WDR27: variants seen among roughly 807,000 people sequenced by gnomAD.
WDR27 encodes the protein WD repeat-containing protein 27.
In WDR27, 100 loss-of-function variants were observed where a neutral mutation model predicts 114.4. The observed-to-expected ratio is 0.87, with a 90% CI of 0.74 to 1.03. The LOEUF is 1.03. Ranked by LOEUF, WDR27 falls within the 50% of genes least tolerant of loss-of-function variation. The pLI is 0.00. For synonymous variants in WDR27, 449 were observed against 423.1 expected, an observed-to-expected ratio of 1.06 and a Z score of -0.75; for missense variants, 1,129 against 1,092.9, an observed-to-expected ratio of 1.03 and a Z score of -0.47.
chr6:169,470,814 G>C lies in WDR27; in HGVS notation c.2646-13180C>G, dbSNP rs75257732. ...TTCAACATAAAAATTTTGGGGTAAA[G>C]GAGCATGCAATTTGGTCCATAGCAC... On this transcript the variant is annotated intron_variant, in intron 25 of 25. Coordinates refer to ENST00000448612, the MANE Select transcript of WDR27 (RefSeq NM_182552.5). Among the ~76,000 whole-genome samples, 3 of 152,270 alleles carry C rather than the reference G, an allele frequency of 2.0e-5. No individual in the cohort carries two copies. In the East Asian group the frequency reaches 5.8e-4, roughly 29 times the overall value.
chr6:169,555,750 A>C (rs560265380), intron 25 of WDR27, among the ~76,000 whole-genome samples: 1 of 152,292 alleles, frequency 6.6e-6, no homozygotes, highest in African/African-American at 2.4e-5. Flanking sequence ...CAACCATACC[A>C]CTGGAAGAAT....
intron 25 of WDR27, among the ~76,000 whole-genome samples, chr6:169,501,412 G>C (rs1791217849): frequency 6.6e-6 from 1 of 152,230 alleles, no homozygotes; most frequent in Non-Finnish European, 1.5e-5. Context: ...GTAGCCCGCA[G>C]ATGTGCCTGC....
At chr6:169,494,822 T>C (rs1445263635) in intron 25 of WDR27, among the ~76,000 whole-genome samples, 1 of 152,178 alleles carries the variant, frequency 6.6e-6, no homozygotes, top group Non-Finnish European at 1.5e-5. Flanking sequence ...CTGTGGAATA[T>C]TTTGTCTCAA....
the WDR27 span, among the ~76,000 whole-genome samples, chr6:169,446,488 A>G: frequency 9.2e-5 from 14 of 152,234 alleles, no homozygotes; most frequent in Admixed American, 9.2e-4. Context: ...ACCATGGCAC[A>G]CACAGAAACA....
At chr6:169,550,105 G>A (rs1797906399) in intron 25 of WDR27, among the ~76,000 whole-genome samples, 1 of 141,518 alleles carries the variant, frequency 7.1e-6, no homozygotes, top group Non-Finnish European at 1.5e-5. Context: ...TGGAAGATAG[G>A]GACAGGGGGC....
Position 169,457,555 on chromosome 6 carries a change from A to T in WDR27, c.*37T>A. 3.3e-6 allele frequency: 5 copies of T among 1,533,762 alleles called. No homozygotes were observed. Among genetic ancestry groups the T allele is most frequent in the Non-Finnish European group, 4.4e-6 (5 of 1,137,610 alleles). On this transcript the variant is annotated 3_prime_UTR_variant, in exon 26 of 26. Coordinates refer to ENST00000448612, the MANE Select transcript of WDR27 (RefSeq NM_182552.5). ...TTACTTTTAAGTTGTTCCTCACAGC[A>T]TTCCTGGACCCAGCTCACAGGTCAG...
intron 23 of WDR27, among the ~76,000 whole-genome samples, chr6:169,594,070 G>A (rs1806301224): frequency 6.6e-6 from 1 of 151,924 alleles, no homozygotes. Context: ...TAGGTATTTG[G>A]TGCTATAAAT....
chr6:169,607,419 CACACATATA>C (rs747631009), intron 22 of WDR27, among the ~76,000 whole-genome samples: 134 of 39,856 alleles, frequency 3.4e-3, no homozygotes, highest in Middle Eastern at 0.029. Flanking sequence ...CACACACACA[CACACATATA>C]ATATAATATT....
chr6:169,489,193 G>A lies in WDR27; in HGVS notation c.2646-31559C>T, dbSNP rs144982496. 1.1e-4 allele frequency among the ~76,000 whole-genome samples: 17 copies of A among 152,246 alleles called. No individual in the cohort carries two copies. In the East Asian group the frequency reaches 1.2e-3, roughly 10 times the overall value. The stretch of plus-strand genomic sequence containing the variant: ...GAGAACCCAGGTGCTCCAACTTCCC[G>A]CTGAGCACCTCCTGTGCATGGCACC... On this transcript the variant is annotated intron_variant, in intron 25 of 25. Coordinates refer to ENST00000448612, the MANE Select transcript of WDR27 (RefSeq NM_182552.5).
At chr6:169,466,648 G>A (rs943243950) in intron 25 of WDR27, among the ~76,000 whole-genome samples, 5 of 152,028 alleles carry the variant, frequency 3.3e-5, no homozygotes, top group African/African-American at 1.2e-4. Context: ...ACAGCATGGG[G>A]GCAACCACCC....
At chr6:169,546,985 A>AT (rs1797535933) in intron 25 of WDR27, among the ~76,000 whole-genome samples, 1 of 152,220 alleles carries the variant, frequency 6.6e-6, no homozygotes, top group African/African-American at 2.4e-5. Context: ...ATGAGAAATG[A>AT]AAGAGGGGAC....
At chr6:169,489,486 C>T (rs934551191) in intron 25 of WDR27, among the ~76,000 whole-genome samples, 1 of 152,250 alleles carries the variant, frequency 6.6e-6, no homozygotes, top group African/African-American at 2.4e-5. Flanking sequence ...GGTCACACTT[C>T]TGCACTGGGC....
At chr6:169,591,356 T>G (rs919779417) in intron 23 of WDR27, among the ~76,000 whole-genome samples, 2 of 152,182 alleles carry the variant, frequency 1.3e-5, no homozygotes, top group Non-Finnish European at 2.9e-5. Context: ...AGTCAATTAC[T>G]CCATCTGAGA....
At chr6:169,442,272 T>G in the WDR27 span, among the ~76,000 whole-genome samples, 1 of 152,302 alleles carries the variant, frequency 6.6e-6, no homozygotes, top group South Asian at 2.1e-4. Flanking sequence ...TTTATTGCCC[T>G]CACAATATGC....
At chr6:169,552,366 G>C (rs1256163403) in intron 25 of WDR27, among the ~76,000 whole-genome samples, 3 of 152,156 alleles carry the variant, frequency 2.0e-5, no homozygotes, top group African/African-American at 4.8e-5. Flanking sequence ...TGAAACGCCA[G>C]CTCCACGAGG....
At chr6:169,637,243 T>G (rs560580257) in intron 18 of WDR27, among the ~76,000 whole-genome samples, 1 of 152,250 alleles carries the variant, frequency 6.6e-6, no homozygotes, top group East Asian at 1.9e-4. Flanking sequence ...AAGTCACTCC[T>G]CTCCCTAAAA....
intron 16 of WDR27, among the ~76,000 whole-genome samples, chr6:169,645,036 T>TAAAAA (rs369797685): frequency 1.9e-3 from 145 of 76,908 alleles, no homozygotes; most frequent in Non-Finnish European, 2.8e-3. Context: ...AAAAAAAAAA[T>TAAAAA]AAAAAAAAAA....
At chr6:169,448,392 A>ATGTGTGTGTG in the WDR27 span, among the ~76,000 whole-genome samples, 251 of 132,044 alleles carry the variant, frequency 1.9e-3, 1 homozygote, top group Middle Eastern at 0.022. Context: ...CTCTGTCTCT[A>ATGTGTGTGTG]TGTGTGTGTG....
At chr6:169,604,452 C>T (rs558941980) in intron 22 of WDR27, among the ~76,000 whole-genome samples, 2 of 152,012 alleles carry the variant, frequency 1.3e-5, no homozygotes, top group African/African-American at 4.8e-5. Context: ...AAGACTGAAT[C>T]AAGAAAAAAA....
Sources: allele counts gnomAD v4.1 joint callset (sites outside exome capture counted in the v4.1 genomes callset), GRCh38; gene constraint gnomAD v4.1.1; transcripts MANE v1.5; gene names NCBI Gene and HGNC (gene_info 2026-07-23, HGNC 2026-07-21).